The following RET variants were observed in gnomAD, a reference collection of about 807,000 sequenced individuals.
RET encodes the protein ret proto-oncogene, also known as proto-oncogene tyrosine-protein kinase receptor Ret.
Under a neutral mutation model 118.3 loss-of-function variants are expected in RET, and 19 were observed. The ratio of observed to expected loss-of-function variants is 0.16; its 90% CI spans 0.11 to 0.24. RET has a LOEUF of 0.24. Ranked by LOEUF, RET falls within the 10% of genes least tolerant of loss-of-function variation. The pLI, the probability that RET is intolerant of heterozygous loss-of-function variation, is 1.00. For synonymous variants in RET, 597 were observed against 644.1 expected (o/e 0.93, Z 1.11); for missense variants, 1,219 against 1,502.1 (o/e 0.81, Z 3.12).
At chr10:43,094,098 G>A (rs1564487251) in intron 1 of RET, among the ~76,000 whole-genome samples, 1 of 150,220 alleles carries the variant, frequency 6.7e-6, no homozygotes, top group Non-Finnish European at 1.5e-5. Flanking sequence ...CGGTGGGGGG[G>A]TGGGGGTGGG....
chr10:43,116,304 G>C (rs1339712689), intron 11 of RET, among the ~76,000 whole-genome samples: 1 of 152,214 alleles, frequency 6.6e-6, no homozygotes, highest in African/African-American at 2.4e-5. Flanking sequence ...CCTGGGGCAG[G>C]GGTCAGGGGA....
rs1366823168 is a variant in RET at position 43,126,668 on chromosome 10, A to T, written c.3133A>T (p.Asn1045Tyr). Reference protein sequence around the residue: ...EEETPLVDCNNAPLPRALPST... With the variant: ...EEETPLVDCNYAPLPRALPST... The stretch of plus-strand genomic sequence containing the variant: ...GGAGACACCGCTGGTGGACTGTAAT[A>T]ATGCCCCCCTCCCTCGAGCCCTCCC... Residue 1045 changes from asparagine (N) to tyrosine (Y), a missense_variant, in exon 19 of 20, where the codon AAT becomes TAT. Around this residue, in one of 5 missense-constraint regions of RET, gnomAD observed 174 missense variants for 179.3 expected, o/e 0.97. Coordinates refer to ENST00000355710, the MANE Select transcript of RET (RefSeq NM_020975.6). 1.9e-6 allele frequency: 3 copies of T among 1,614,000 alleles called. No individual in the cohort carries two copies. The highest frequency in any genetic ancestry group is 1.1e-5 in the South Asian group (1 of 91,066).
chr10:43,095,484 G>T (rs1837503210), intron 1 of RET, among the ~76,000 whole-genome samples: 2 of 152,216 alleles, frequency 1.3e-5, no homozygotes, highest in African/African-American at 4.8e-5. Context: ...CACCTGGACG[G>T]AGTGTGTGGA....
In RET at chr10:43,128,627, G is replaced by A; in HGVS notation, c.*358G>A. The A allele has an allele frequency of 2.4e-6, 1 of 417,688 alleles. No homozygotes were observed. Among genetic ancestry groups the A allele is most frequent in the Non-Finnish European group, 4.5e-6 (1 of 224,034 alleles). 25.9% of individuals were successfully genotyped at this position (417,688 alleles called of 1,614,324 possible). A position where few individuals can be genotyped will look rare whatever the true frequency, so the allele number is the denominator to read the frequency against. ...ACTTACTACCTGGTGTATGAAATTG[G>A]ACCTGAACTGTTGGATTTTTCTAGT... On this transcript the variant is annotated 3_prime_UTR_variant, in exon 20 of 20. Transcript: ENST00000355710.
rs1204106020 is a variant in RET, at chr10:43,114,945, G to A, written c.2136+209G>A. On this transcript the variant is annotated intron_variant, in intron 11 of 19. Transcript: ENST00000355710. The surrounding 1 kb of genome is among the most constrained non-coding windows in gnomAD (Gnocchi z 4.6). The stretch of plus-strand genomic sequence containing the variant: ...GATGAGGTGCCGTTCCCATCTAGGT[G>A]AGAGGCAGTGGTCAGGGTCACAGCA... 6.6e-6 allele frequency among the ~76,000 whole-genome samples: 1 copy of A among 152,174 alleles called. No homozygotes were observed. Among genetic ancestry groups the A allele is most frequent in the East Asian group, 1.9e-4 (1 of 5,170 alleles).
intron 1 of RET, 101 bp from the exon 2 acceptor site, chr10:43,100,358 T>G: frequency 7.2e-7 from 1 of 1,396,498 alleles, no homozygotes; most frequent in Non-Finnish European, 1.0e-6. Context: ...GATGAAAAAC[T>G]CCTGCTAAGA....
At chr10:43,078,608 C>T (rs1024001783) in intron 1 of RET, among the ~76,000 whole-genome samples, 9 of 152,210 alleles carry the variant, frequency 5.9e-5, no homozygotes, top group African/African-American at 1.4e-4. Flanking sequence ...GGCGCTCTGA[C>T]GCTGTCTTGG....
chr10:43,112,774 G>A (rs2132811502), intron 8 of RET, 79 bp from the exon 9 acceptor site: 1 of 1,133,026 alleles, frequency 8.8e-7, no homozygotes, highest in Non-Finnish European at 1.3e-6. Context: ...CCCTAGAGGG[G>A]CAGGATCTGC....
intron 1 of RET, among the ~76,000 whole-genome samples, chr10:43,084,683 T>C (rs977464910): frequency 5.3e-5 from 8 of 152,110 alleles, no homozygotes; most frequent in Non-Finnish European, 8.8e-5. Flanking sequence ...TGTGGATTCG[T>C]CTGATTCCTC....
intron 1 of RET, among the ~76,000 whole-genome samples, chr10:43,092,641 C>T (rs1003412361): frequency 6.6e-6 from 1 of 152,210 alleles, no homozygotes; most frequent in African/African-American, 2.4e-5. Context: ...GCCGAGGACC[C>T]AGGTTTGTGC....
intron 1 of RET, among the ~76,000 whole-genome samples, chr10:43,089,642 C>T (rs1005596192): frequency 1.3e-5 from 2 of 152,220 alleles, no homozygotes; most frequent in South Asian, 4.1e-4. Context: ...GTACCAGGGC[C>T]GACAGCATTG....
At chr10:43,116,546 T>C (rs755102936) in intron 11 of RET, 38 bp from the exon 12 acceptor site, 28 of 1,612,960 alleles carry the variant, frequency 1.7e-5, no homozygotes, top group Middle Eastern at 1.6e-4. Flanking sequence ...CTCACACTTT[T>C]CCCCCCTCTT....
Position 43,113,028 on chromosome 10 carries a change from AG to A in RET, c.1759+67del. The A allele has an allele frequency of 2.9e-6, 4 of 1,356,758 alleles. No homozygotes were observed. In the Admixed American group the frequency reaches 6.9e-5, roughly 23 times the overall value. The allele number at this position is 1,356,758 out of a possible 1,614,324, so 84.0% of individuals were successfully genotyped here. On this transcript the variant is annotated intron_variant, in intron 9 of 19. Coordinates refer to ENST00000355710, the MANE Select transcript of RET (RefSeq NM_020975.6). ...ATAGTAGGGGAAACCTGGATCCCAC[AG>A]GCACTTCAGCCAGAGTTGCCAGGGC...
rs1439820916 is a variant in RET at position 43,102,350 on chromosome 10, T to A, written c.346T>A (p.Phe116Ile). ...CTGACTTCTCTCTGCAGACCGCGGC[T>A]TTCCCCTGCTCACCGTCTACCTCAA... Reference protein sequence around the residue: ...WEKLSVRNRGFPLLTVYLKVF... With the variant: ...WEKLSVRNRGIPLLTVYLKVF... The change falls in exon 3 of 20, where the codon TTT becomes ATT. Residue 116 changes from phenylalanine to isoleucine, a missense_variant. By Grantham distance (21) the Phe-to-Ile change is conservative. Coordinates refer to ENST00000355710, the MANE Select transcript of RET (RefSeq NM_020975.6). 2 of 1,614,068 alleles carry A rather than the reference T, an allele frequency of 1.2e-6. No homozygotes were observed. The highest frequency in any genetic ancestry group is 1.7e-6 in the Non-Finnish European group (2 of 1,180,032).
chr10:43,099,229 G>T (rs1564488907), intron 1 of RET, among the ~76,000 whole-genome samples: 1 of 152,134 alleles, frequency 6.6e-6, no homozygotes, highest in Non-Finnish European at 1.5e-5. Context: ...ACATAGATAG[G>T]CCGGGCACGG....
intron 19 of RET, among the ~76,000 whole-genome samples, 175 bp from the exon 20 acceptor site, chr10:43,127,937 T>C (rs1838370770): frequency 6.6e-6 from 1 of 152,312 alleles, no homozygotes; most frequent in Middle Eastern, 3.4e-3. Flanking sequence ...CACATGATAT[T>C]TCCCCTAACT....
At chr10:43,103,818 G>A (rs987332254) in intron 3 of RET, among the ~76,000 whole-genome samples, 1 of 152,212 alleles carries the variant, frequency 6.6e-6, no homozygotes, top group Non-Finnish European at 1.5e-5. Context: ...TATATGATAA[G>A]CATTTCCCAC....
intron 1 of RET, among the ~76,000 whole-genome samples, chr10:43,094,818 T>A (rs926000506): frequency 6.6e-6 from 1 of 152,204 alleles, no homozygotes; most frequent in Non-Finnish European, 1.5e-5. Flanking sequence ...AGTGTGAGAA[T>A]GTGTGAGCAT....
At chr10:43,119,837 C>T in intron 14 of RET, 92 bp downstream of exon 14, 1 of 1,403,188 alleles carries the variant, frequency 7.1e-7, no homozygotes, top group Non-Finnish European at 9.9e-7. Context: ...GCCTGCCACT[C>T]CCCCACCATG....
Sources: gnomAD v4.1 joint callset for allele counts (sites outside exome capture counted in the v4.1 genomes callset) on GRCh38, gnomAD v4.1.1 for gene constraint, gnomAD v4.1.1 regional missense constraint, Gnocchi (gnomAD v3.1) non-coding constraint, MANE v1.5 for transcripts, NCBI Gene and HGNC (gene_info 2026-07-23, HGNC 2026-07-21) for gene names.